The following CWC27 variants were observed in gnomAD, a reference collection of about 807,000 sequenced individuals.
CWC27 encodes CWC27 spliceosome associated cyclophilin.
In CWC27, 47 loss-of-function variants were observed where a neutral mutation model predicts 63.6. The observed-to-expected ratio is 0.74, with a 90% CI of 0.58 to 0.94. CWC27 has a LOEUF of 0.94. CWC27 is among the 40% of genes least tolerant of loss of function. The probability of loss-of-function intolerance (pLI) is 0.00; values close to 1 mark genes in which losing one functional copy is unlikely to be tolerated. For missense variants in CWC27, 495 were observed against 554.3 expected (o/e 0.89, Z 1.07); for synonymous variants, 175 against 179.8 (o/e 0.97, Z 0.22).
chr5:64,909,204 T>C (rs957066550), intron 11 of CWC27, among the ~76,000 whole-genome samples: 1 of 152,180 alleles, frequency 6.6e-6, no homozygotes, highest in African/African-American at 2.4e-5. Context: ...GAATATTGAA[T>C]ATTGGCCCCC....
At chr5:64,893,301 A>G (rs1237609212) in intron 11 of CWC27, among the ~76,000 whole-genome samples, 1 of 152,238 alleles carries the variant, frequency 6.6e-6, no homozygotes, top group Non-Finnish European at 1.5e-5. Flanking sequence ...GACATCAAAC[A>G]TATAATTCAT....
At chr5:64,893,769 G>T (rs1747299630) in intron 11 of CWC27, among the ~76,000 whole-genome samples, 1 of 152,168 alleles carries the variant, frequency 6.6e-6, no homozygotes, top group Admixed American at 6.5e-5. Flanking sequence ...ATGTAAGTTT[G>T]TTTAAAACAT....
intron 10 of CWC27, among the ~76,000 whole-genome samples, chr5:64,843,035 G>A (rs543019323): frequency 4.6e-4 from 70 of 152,248 alleles, no homozygotes; most frequent in African/African-American, 1.7e-3. Flanking sequence ...TAATGTTAAT[G>A]TTACAAGGTT....
intron 2 of CWC27, among the ~76,000 whole-genome samples, chr5:64,780,277 A>G (rs1183116229): frequency 6.6e-6 from 1 of 152,090 alleles, no homozygotes; most frequent in Non-Finnish European, 1.5e-5. Context: ...ATATGTATAT[A>G]TCACATTTTA....
At chr5:64,883,401 C>T (rs1746992101) in intron 10 of CWC27, among the ~76,000 whole-genome samples, 1 of 151,908 alleles carries the variant, frequency 6.6e-6, no homozygotes, top group Non-Finnish European at 1.5e-5. Context: ...TTGGAAATAA[C>T]CTATATAGGA....
At chr5:64,978,636 T>C (rs1379820719) in intron 13 of CWC27, among the ~76,000 whole-genome samples, 1 of 151,066 alleles carries the variant, frequency 6.6e-6, no homozygotes, top group East Asian at 1.9e-4. Context: ...GTGGGGGGGA[T>C]TCCTTGAATG....
chr5:64,938,616 G>A (rs966859904), intron 11 of CWC27, among the ~76,000 whole-genome samples: 1 of 152,086 alleles, frequency 6.6e-6, no homozygotes, highest in South Asian at 2.1e-4. Flanking sequence ...TATCTTTGTG[G>A]TGTTCTCTGT....
chr5:64,872,662 A>G (rs1003614251), intron 10 of CWC27, among the ~76,000 whole-genome samples: 2 of 152,186 alleles, frequency 1.3e-5, no homozygotes, highest in Non-Finnish European at 2.9e-5. Flanking sequence ...AAATTTAACA[A>G]GGCAAGAACA....
Position 64,811,684 on chromosome 5 carries a change from GA to G in CWC27, c.938+7299del, listed in dbSNP as rs1179548409. Among the ~76,000 whole-genome samples the G allele has an allele frequency of 3.3e-5, 5 of 151,938 alleles. 1 individual carries two copies. The highest frequency in any genetic ancestry group is 2.6e-4 in the Admixed American group (4 of 15,254). On this transcript the variant is annotated intron_variant, in intron 10 of 13. Coordinates refer to ENST00000381070, the MANE Select transcript of CWC27 (RefSeq NM_005869.4). ...CACTGTTCCATTTTTAAGAAAAAAT[GA>G]TCTTATTTGATAAAGTTAACTGGAA... is the stretch of plus-strand genomic sequence containing the variant.
intron 13 of CWC27, among the ~76,000 whole-genome samples, chr5:65,005,251 C>T (rs1315720064): frequency 6.6e-6 from 1 of 151,710 alleles, no homozygotes; most frequent in African/African-American, 2.4e-5. Context: ...TTTAGGCACC[C>T]ATGGCAGTGG....
Position 64,955,720 on chromosome 5 carries a change from T to C in CWC27, c.1043-15983T>C, listed in dbSNP as rs545319688. ...ATCTGGTCTGGTTGGTCTAGGCAGG[T>C]AAAAAATAAAAATGAAAAAAAAAGT... On this transcript the variant is annotated intron_variant, in intron 11 of 13. Coordinates refer to ENST00000381070, the MANE Select transcript of CWC27 (RefSeq NM_005869.4). Among the ~76,000 whole-genome samples the C allele has an allele frequency of 2.0e-5, 3 of 151,386 alleles. No individual in the cohort carries two copies. The South Asian group carries it at 6.3e-4, about 32-fold the overall frequency.
chr5:65,004,091 T>C (rs527329691), intron 13 of CWC27, among the ~76,000 whole-genome samples: 190 of 152,284 alleles, frequency 1.2e-3, no homozygotes, highest in African/African-American at 4.4e-3. Context: ...GTGATCTGCC[T>C]GCCTCGGCCT....
At chr5:64,884,968 T>C (rs562119470) in intron 10 of CWC27, among the ~76,000 whole-genome samples, 1 of 152,120 alleles carries the variant, frequency 6.6e-6, no homozygotes, top group African/African-American at 2.4e-5. Context: ...ATCAAATGAG[T>C]TAAAAGTTTG....
At chr5:64,845,622 T>A (rs1421070124) in intron 10 of CWC27, among the ~76,000 whole-genome samples, 2 of 152,158 alleles carry the variant, frequency 1.3e-5, no homozygotes, top group African/African-American at 4.8e-5. Context: ...ATTGGTGGAT[T>A]TGATAGAGCA....
intron 11 of CWC27, among the ~76,000 whole-genome samples, chr5:64,894,275 C>G (rs982611019): frequency 2.0e-5 from 3 of 152,062 alleles, no homozygotes; most frequent in Non-Finnish European, 4.4e-5. Flanking sequence ...AGTTAAGGTG[C>G]TTACCCAATA....
At chr5:64,875,413 A>T (rs1481565221) in intron 10 of CWC27, among the ~76,000 whole-genome samples, 1 of 152,168 alleles carries the variant, frequency 6.6e-6, no homozygotes, top group Non-Finnish European at 1.5e-5. Context: ...ATTAGCTCTC[A>T]GATTAAATGT....
chr5:64,942,909 GA>G (rs1180222473), intron 11 of CWC27, among the ~76,000 whole-genome samples: 1 of 152,180 alleles, frequency 6.6e-6, no homozygotes, highest in Non-Finnish European at 1.5e-5. Flanking sequence ...GTTGTGTGGT[GA>G]AGAGGCTCAT....
chr5:64,951,577 GT>G (rs1748709698), intron 11 of CWC27, among the ~76,000 whole-genome samples: 1 of 151,876 alleles, frequency 6.6e-6, no homozygotes, highest in Non-Finnish European at 1.5e-5. Flanking sequence ...TGCACAGTCT[GT>G]TTTATTGGAG....
At chr5:64,932,369 T>TA (rs1044110969) in intron 11 of CWC27, among the ~76,000 whole-genome samples, 3 of 152,090 alleles carry the variant, frequency 2.0e-5, no homozygotes, top group African/African-American at 7.2e-5. Flanking sequence ...TTTTTTTTTT[T>TA]AATTCTTAAC....
Sources: gnomAD v4.1 joint callset for allele counts (sites outside exome capture counted in the v4.1 genomes callset) on GRCh38, gnomAD v4.1.1 for gene constraint, MANE v1.5 for transcripts, NCBI Gene and HGNC (gene_info 2026-07-23, HGNC 2026-07-21) for gene names.